The following GNAQ variants were observed in gnomAD, a reference collection of about 807,000 sequenced individuals.
The protein encoded by GNAQ is G protein subunit alpha q.
A neutral mutation model predicts 43.9 loss-of-function variants in GNAQ; 8 were observed. The observed-to-expected ratio is 0.18, with a 90% CI of 0.11 to 0.33. The LOEUF is 0.33. Ranked by LOEUF, GNAQ falls within the 10% of genes least tolerant of loss-of-function variation. The probability of loss-of-function intolerance (pLI) is 1.00; values close to 1 mark genes in which losing one functional copy is unlikely to be tolerated. For synonymous variants in GNAQ, 155 were observed against 170.7 expected (o/e 0.91, Z 0.71); for missense variants, 158 against 450.8 (o/e 0.35, Z 5.88).
At chr9:77,879,002 T>C (rs1386342614) in intron 2 of GNAQ, among the ~76,000 whole-genome samples, 2 of 151,862 alleles carry the variant, frequency 1.3e-5, no homozygotes, top group Non-Finnish European at 2.9e-5. Flanking sequence ...GCCAAGATTG[T>C]ACCACTGCAC....
intron 2 of GNAQ, among the ~76,000 whole-genome samples, chr9:77,864,186 T>TA (rs1827910715): frequency 6.8e-6 from 1 of 147,412 alleles, no homozygotes; most frequent in South Asian, 2.1e-4. Flanking sequence ...TTTTTTTTTT[T>TA]AAACAATTAG....
rs1201285452 is a variant in GNAQ, at chr9:77,716,398, CAT to C, written c.*4923_*4924del. Reference sequence around the variant, plus strand: ...ATAGACAGTACATGCATTTGAATGACATTTTAGGAACAGTAAATATTCTTTTA... The same window carrying C: ...ATAGACAGTACATGCATTTGAATGACTTTAGGAACAGTAAATATTCTTTTA... On this transcript the variant is annotated 3_prime_UTR_variant, in exon 7 of 7. Transcript: ENST00000286548. The C allele has an allele frequency of 4.3e-6, 1 of 232,390 alleles. No individual in the cohort carries two copies. Among genetic ancestry groups the C allele is most frequent in the Non-Finnish European group, 8.5e-6 (1 of 117,680 alleles). 14.4% of individuals were successfully genotyped at this position (232,390 alleles called of 1,614,324 possible). A position where few individuals can be genotyped will look rare whatever the true frequency, so the allele number is the denominator to read the frequency against.
chr9:77,992,007 C>T (rs1823513898), intron 1 of GNAQ, among the ~76,000 whole-genome samples: 1 of 152,162 alleles, frequency 6.6e-6, no homozygotes, highest in African/African-American at 2.4e-5. Flanking sequence ...TTTGCAATTG[C>T]AAATTGTGCA....
chr9:77,807,235 G>T (rs1450832850), intron 3 of GNAQ, among the ~76,000 whole-genome samples: 2 of 152,158 alleles, frequency 1.3e-5, no homozygotes, highest in Non-Finnish European at 2.9e-5. Context: ...TGACCTTATG[G>T]GTTACATAAA....
At chr9:78,027,840 T>C (rs1041119236) in intron 1 of GNAQ, among the ~76,000 whole-genome samples, 4 of 151,446 alleles carry the variant, frequency 2.6e-5, no homozygotes, top group Admixed American at 2.6e-4. Context: ...AGTCTTCCTA[T>C]TTGATAATTA....
chr9:77,763,301 T>C (rs1043979668), intron 5 of GNAQ, among the ~76,000 whole-genome samples: 4 of 152,308 alleles, frequency 2.6e-5, no homozygotes, highest in East Asian at 3.9e-4. Context: ...CGCTTTGCCT[T>C]CCACAACTAT....
At chr9:77,974,478 G>A (rs1408470686) in intron 1 of GNAQ, among the ~76,000 whole-genome samples, 1 of 152,192 alleles carries the variant, frequency 6.6e-6, no homozygotes, top group Non-Finnish European at 1.5e-5. Flanking sequence ...GTGAGATACT[G>A]TTGTAAGGAC....
At chr9:77,738,344 G>A (rs1825604251) in intron 5 of GNAQ, among the ~76,000 whole-genome samples, 2 of 152,026 alleles carry the variant, frequency 1.3e-5, no homozygotes, top group South Asian at 4.2e-4. Context: ...CTCAACTATG[G>A]AGAGTAAATT....
chr9:77,857,419 A>G (rs1438011072), intron 2 of GNAQ, among the ~76,000 whole-genome samples: 2 of 152,078 alleles, frequency 1.3e-5, no homozygotes, highest in Non-Finnish European at 2.9e-5. Flanking sequence ...GATCATATGT[A>G]GTACACACTG....
chr9:77,994,808 T>C (rs1037067022), intron 1 of GNAQ, among the ~76,000 whole-genome samples: 1 of 152,210 alleles, frequency 6.6e-6, no homozygotes, highest in Non-Finnish European at 1.5e-5. Context: ...AACATTCCTA[T>C]ATTGTAAGTC....
Position 78,031,352 on chromosome 9 carries a change from G to C in GNAQ, c.-117C>G, listed in dbSNP as rs967878512. The C allele has an allele frequency of 1.3e-6, 1 of 791,554 alleles. No homozygotes were observed. Among genetic ancestry groups the C allele is most frequent in the African/African-American group, 1.9e-5 (1 of 53,896 alleles). 49.0% of individuals were successfully genotyped at this position (791,554 alleles called of 1,614,324 possible). A position where few individuals can be genotyped will look rare whatever the true frequency, so the allele number is the denominator to read the frequency against. On this transcript the variant is annotated 5_prime_UTR_variant, in exon 1 of 7. Transcript: ENST00000286548. ...GTGGCCGCCGAGCCCCCGCCGCCCG[G>C]GCGCGCGTCCGGGACGAGCTCCGGG...
chr9:77,746,068 A>G (rs1430090261), intron 5 of GNAQ, among the ~76,000 whole-genome samples: 5 of 152,206 alleles, frequency 3.3e-5, no homozygotes, highest in African/African-American at 4.8e-5. Flanking sequence ...ATTTTTTGAA[A>G]GGGATCATTG....
chr9:77,993,436 C>T (rs568406756), intron 1 of GNAQ, among the ~76,000 whole-genome samples: 2 of 152,244 alleles, frequency 1.3e-5, no homozygotes, highest in African/African-American at 2.4e-5. Flanking sequence ...CGGTGGCTCA[C>T]GCCTGTAATC....
At chr9:78,005,044 C>CA (rs1823689052) in intron 1 of GNAQ, among the ~76,000 whole-genome samples, 1 of 152,058 alleles carries the variant, frequency 6.6e-6, no homozygotes, top group Admixed American at 6.5e-5. Flanking sequence ...GGAGAGATGA[C>CA]AAAACTACAA....
intron 1 of GNAQ, among the ~76,000 whole-genome samples, chr9:77,934,258 T>C (rs1299910182): frequency 6.6e-6 from 1 of 151,696 alleles, no homozygotes; most frequent in Non-Finnish European, 1.5e-5. Context: ...CTCTCCAGCG[T>C]TGGATTTTAT....
At chr9:77,749,034 A>C (rs2118285600) in intron 5 of GNAQ, among the ~76,000 whole-genome samples, 1 of 152,308 alleles carries the variant, frequency 6.6e-6, no homozygotes, top group Admixed American at 6.5e-5. Context: ...GGTTGACTGC[A>C]TCCAACACTT....
intron 1 of GNAQ, among the ~76,000 whole-genome samples, chr9:77,997,275 T>A (rs572265065): frequency 3.3e-5 from 5 of 152,306 alleles, no homozygotes; most frequent in African/African-American, 1.2e-4. Flanking sequence ...TATTGTACAG[T>A]CACCCTTTTC....
intron 5 of GNAQ, among the ~76,000 whole-genome samples, chr9:77,737,540 T>C (rs1280007604): frequency 6.6e-6 from 1 of 152,208 alleles, no homozygotes; most frequent in African/African-American, 2.4e-5. Context: ...TTTGCATAAT[T>C]AGGATACAGA....
chr9:77,785,245 G>A (rs1202994175), intron 5 of GNAQ, among the ~76,000 whole-genome samples: 6 of 152,222 alleles, frequency 3.9e-5, no homozygotes, highest in African/African-American at 1.2e-4. Flanking sequence ...AGAAGGCCAT[G>A]TGAAGACAGA....
Sources: allele counts gnomAD v4.1 joint callset (sites outside exome capture counted in the v4.1 genomes callset), GRCh38; gene constraint gnomAD v4.1.1; transcripts MANE v1.5; gene names NCBI Gene and HGNC (gene_info 2026-07-23, HGNC 2026-07-21).